Variants in ARHGAP40 observed in about 807,000 individuals in gnomAD.
The protein encoded by ARHGAP40 is rho GTPase-activating protein 40.
A neutral mutation model predicts 73.5 loss-of-function variants in ARHGAP40; 43 were observed. The observed-to-expected ratio is 0.58, with a 90% CI of 0.46 to 0.75. The LOEUF (loss-of-function observed/expected upper bound fraction) is 0.75. ARHGAP40 is among the 30% of genes least tolerant of loss of function. The pLI is 0.00. For synonymous variants in ARHGAP40, 300 were observed against 352.8 expected (o/e 0.85, Z 1.68); for missense variants, 734 against 861.8 (o/e 0.85, Z 1.86).
chr20:38,628,467 G>A (rs2088916850), intron 3 of ARHGAP40, among the ~76,000 whole-genome samples: 1 of 152,112 alleles, frequency 6.6e-6, no homozygotes, highest in Non-Finnish European at 1.5e-5. Flanking sequence ...ACCATGCCCG[G>A]CTAATTTTTT....
chr20:38,648,111 C>T (rs904887017), intron 13 of ARHGAP40, among the ~76,000 whole-genome samples: 6 of 152,202 alleles, frequency 3.9e-5, no homozygotes, highest in African/African-American at 1.4e-4. Flanking sequence ...TCCAGCTCCT[C>T]CTTGAACAGA....
chr20:38,623,853 C>T (rs1217299258), intron 2 of ARHGAP40, among the ~76,000 whole-genome samples: 1 of 152,156 alleles, frequency 6.6e-6, no homozygotes, highest in African/African-American at 2.4e-5. Flanking sequence ...ACTGTTTAGG[C>T]ACTGGGGATA....
chr20:38,639,457 A>G, intron 9 of ARHGAP40, 71 bp downstream of exon 9: 3 of 1,265,960 alleles, frequency 2.4e-6, no homozygotes, highest in Non-Finnish European at 3.1e-6. Context: ...GGAGAGGGGA[A>G]GCCATGCAAA....
At chr20:38,627,241 G>A (rs1157426994) in intron 3 of ARHGAP40, 26 bp downstream of exon 3, 4 of 1,299,096 alleles carry the variant, frequency 3.1e-6, no homozygotes, top group Non-Finnish European at 4.1e-6. Context: ...GTCATTGCAG[G>A]CCCCGTCTGA....
At chr20:38,605,814 TG>T (rs2088767842) in intron 1 of ARHGAP40, among the ~76,000 whole-genome samples, 1 of 152,260 alleles carries the variant, frequency 6.6e-6, no homozygotes, top group South Asian at 2.1e-4. Flanking sequence ...GTTTGTATTA[TG>T]TATACTATTT....
chr20:38,643,664 A>G (rs1444939162), intron 10 of ARHGAP40, 40 bp from the exon 11 acceptor site: 1 of 1,296,878 alleles, frequency 7.7e-7, no homozygotes, highest in Admixed American at 2.3e-5. Context: ...GGCGCCAGGG[A>G]TGGGCTGAGA....
At chr20:38,605,161 C>T (rs1490519936) in intron 1 of ARHGAP40, among the ~76,000 whole-genome samples, 2 of 152,170 alleles carry the variant, frequency 1.3e-5, no homozygotes, top group Non-Finnish European at 2.9e-5. Context: ...GTTCTGTTTA[C>T]CCACAGCTCT....
At chr20:38,620,178 C>T (rs2088866774) in intron 1 of ARHGAP40, among the ~76,000 whole-genome samples, 1 of 152,230 alleles carries the variant, frequency 6.6e-6, no homozygotes, top group Admixed American at 6.5e-5. Context: ...TACTTAGCAC[C>T]TGAGTACTTT....
In ARHGAP40 at chr20:38,634,823, A is replaced by G. The variant is rs190809711; in HGVS notation, c.949+38A>G. The G allele has an allele frequency of 1.7e-4, 213 of 1,234,238 alleles. 2 individuals carry two copies. The African/African-American group carries it at 3.1e-3, about 18-fold the overall frequency. The allele number at this position is 1,234,238 out of a possible 1,614,324, so 76.5% of individuals were successfully genotyped here. Reference sequence around the variant, plus strand: ...AGCCCAGGGAAAGCCCTGTGGCCACAGTCCTCATAGGGAGCTGAACACGGA... The same window carrying G: ...AGCCCAGGGAAAGCCCTGTGGCCACGGTCCTCATAGGGAGCTGAACACGGA... On this transcript the variant is annotated intron_variant, in intron 6 of 14. Transcript: ENST00000373345.
intron 1 of ARHGAP40, among the ~76,000 whole-genome samples, chr20:38,603,253 G>C (rs1471147255): frequency 6.6e-6 from 1 of 152,246 alleles, no homozygotes; most frequent in Non-Finnish European, 1.5e-5. Flanking sequence ...GCTCAGGAAA[G>C]GGAGGGGGAG....
chr20:38,631,805 A>G (rs757249913), intron 5 of ARHGAP40, among the ~76,000 whole-genome samples: 4 of 152,112 alleles, frequency 2.6e-5, no homozygotes, highest in Non-Finnish European at 4.4e-5. Flanking sequence ...CCTCTATTCC[A>G]ATGTGAGAGT....
chr20:38,640,218 C>CTTT (rs1332037073), intron 9 of ARHGAP40, among the ~76,000 whole-genome samples: 1 of 91,112 alleles, frequency 1.1e-5, no homozygotes, highest in Admixed American at 1.1e-4. Context: ...TTCTTTCTTT[C>CTTT]TTTTTTTTTT....
chr20:38,613,776 T>A (rs1195014975), intron 1 of ARHGAP40, among the ~76,000 whole-genome samples: 1 of 152,244 alleles, frequency 6.6e-6, no homozygotes, highest in Non-Finnish European at 1.5e-5. Context: ...CATTTCAGAA[T>A]GTTTTATTCT....
intron 6 of ARHGAP40, among the ~76,000 whole-genome samples, chr20:38,636,857 TG>T (rs1490312269): frequency 1.3e-5 from 2 of 152,186 alleles, no homozygotes; most frequent in Non-Finnish European, 2.9e-5. Flanking sequence ...TTTGGTTTTT[TG>T]GTTTGTTTCT....
chr20:38,637,656 C>T (rs955822353), intron 6 of ARHGAP40, 52 bp from the exon 7 acceptor site: 46 of 1,261,818 alleles, frequency 3.6e-5, no homozygotes, highest in Middle Eastern at 2.1e-4. Context: ...GGTCGGAGCC[C>T]AGTGATCATT....
intron 9 of ARHGAP40, among the ~76,000 whole-genome samples, chr20:38,641,054 A>G (rs1331974179): frequency 6.6e-6 from 1 of 151,340 alleles, no homozygotes; most frequent in East Asian, 1.9e-4. Context: ...ATATTTGTTG[A>G]TAAGTGAGAG....
chr20:38,614,127 T>C (rs2088820117), intron 1 of ARHGAP40, among the ~76,000 whole-genome samples: 2 of 152,102 alleles, frequency 1.3e-5, no homozygotes, highest in South Asian at 2.1e-4. Flanking sequence ...TGCATGTGAG[T>C]GTTACACTCA....
At chr20:38,610,883 C>CTTTTTTTTTTTTTTT (rs60110231) in intron 1 of ARHGAP40, among the ~76,000 whole-genome samples, 1 of 139,054 alleles carries the variant, frequency 7.2e-6, no homozygotes, top group Non-Finnish European at 1.5e-5. Context: ...GATGTCTTTT[C>CTTTTTTTTTTTTTTT]TTTTTTTTTT....
chr20:38,635,763 A>G (rs1235885865), intron 6 of ARHGAP40, among the ~76,000 whole-genome samples: 1 of 152,098 alleles, frequency 6.6e-6, no homozygotes, highest in African/African-American at 2.4e-5. Flanking sequence ...ATTATATATA[A>G]TAGAATTATG....
Sources: gnomAD v4.1 joint callset for allele counts (sites outside exome capture counted in the v4.1 genomes callset) on GRCh38, gnomAD v4.1.1 for gene constraint, MANE v1.5 for transcripts, NCBI Gene and HGNC (gene_info 2026-07-23, HGNC 2026-07-21) for gene names.